The following LSAMP variants were observed in gnomAD, a reference collection of about 807,000 sequenced individuals.
LSAMP encodes the protein limbic system associated membrane protein, also known as limbic system-associated membrane protein.
Under a neutral mutation model 38.6 loss-of-function variants are expected in LSAMP, and 7 were observed. The observed-to-expected ratio is 0.18, with a 90% CI of 0.10 to 0.34. The LOEUF (loss-of-function observed/expected upper bound fraction) is 0.34. Ranked by LOEUF, LSAMP falls within the 10% of genes least tolerant of loss-of-function variation. The probability of loss-of-function intolerance (pLI) is 1.00; values close to 1 mark genes in which losing one functional copy is unlikely to be tolerated. For missense variants in LSAMP, 313 were observed against 420.0 expected, an observed-to-expected ratio of 0.75 and a Z score of 2.23; for synonymous variants, 154 against 166.8, an observed-to-expected ratio of 0.92 and a Z score of 0.59.
intron 1 of LSAMP, among the ~76,000 whole-genome samples, chr3:116,408,998 G>T (rs1331590458): frequency 6.6e-6 from 1 of 151,920 alleles, no homozygotes; most frequent in African/African-American, 2.4e-5. Flanking sequence ...AAAGTGATTT[G>T]CCCTTTTTCT....
At chr3:115,973,602 CAGG>C (rs1460573921) in intron 3 of LSAMP, among the ~76,000 whole-genome samples, 13 of 152,034 alleles carry the variant, frequency 8.6e-5, no homozygotes, top group Non-Finnish European at 1.6e-4. Context: ...GGCATGGTGG[CAGG>C]TGCCTGTAAT....
intron 3 of LSAMP, among the ~76,000 whole-genome samples, chr3:115,991,054 G>A (rs1457205003): frequency 6.6e-6 from 1 of 151,816 alleles, no homozygotes; most frequent in African/African-American, 2.4e-5. Context: ...TCCTTCCCCC[G>A]ACCCCCGGCT....
At position 116,075,343 on chromosome 3, in the gene LSAMP, G is replaced by A. The variant is rs149379233; in HGVS notation, c.388+10981C>T. ...AGTAGAGACAGGGTTTCACTATGTT[G>A]GCCAGGCTGGTCTTGATTTCCTGAC... On this transcript the variant is annotated intron_variant, in intron 2 of 6. Transcript: ENST00000490035. Among the ~76,000 whole-genome samples the A allele has an allele frequency of 9.6e-3, 1,442 of 150,702 alleles. 25 individuals are homozygous for A. The highest frequency in any genetic ancestry group is 0.033 in the African/African-American group (1,355 of 40,974).
chr3:116,430,516 T>C (rs1473915646), intron 1 of LSAMP, among the ~76,000 whole-genome samples: 1 of 152,120 alleles, frequency 6.6e-6, no homozygotes, highest in Non-Finnish European at 1.5e-5. Context: ...AATACTAAAA[T>C]AGATGAAAAT....
intron 1 of LSAMP, among the ~76,000 whole-genome samples, chr3:116,256,452 C>G (rs1280823625): frequency 6.6e-6 from 1 of 152,184 alleles, no homozygotes; most frequent in Non-Finnish European, 1.5e-5. Context: ...TGTTTTTCAT[C>G]TTTAACTTTT....
intron 1 of LSAMP, among the ~76,000 whole-genome samples, chr3:116,108,038 C>T (rs1167689082): frequency 3.9e-5 from 6 of 151,942 alleles, no homozygotes; most frequent in African/African-American, 1.5e-4. Flanking sequence ...TTAATCCTTT[C>T]AAAGCATGCT....
At chr3:116,286,306 A>C (rs1276151950) in intron 1 of LSAMP, among the ~76,000 whole-genome samples, 1 of 152,202 alleles carries the variant, frequency 6.6e-6, no homozygotes, top group Non-Finnish European at 1.5e-5. Context: ...TATCCCATAA[A>C]ATTTTTAGGA....
chr3:115,848,252 T>C lies in LSAMP; in HGVS notation c.649+4231A>G, dbSNP rs375467900. On this transcript the variant is annotated intron_variant, in intron 4 of 6. Coordinates refer to ENST00000490035, the MANE Select transcript of LSAMP (RefSeq NM_002338.5). ...CAGCCTGGTCAACACAGTGAATCCA[T>C]GTCTCTACTAAAAATACAAAAATTA... 7.0e-4 allele frequency among the ~76,000 whole-genome samples: 107 copies of C among 152,200 alleles called. 1 individual carries two copies. The South Asian group carries it at 0.018, about 26-fold the overall frequency.
chr3:115,956,114 TATG>T (rs1197175955), intron 3 of LSAMP, among the ~76,000 whole-genome samples: 2 of 152,072 alleles, frequency 1.3e-5, no homozygotes, highest in Non-Finnish European at 2.9e-5. Flanking sequence ...TACTATTCTT[TATG>T]ATAACTTTTA....
intron 1 of LSAMP, among the ~76,000 whole-genome samples, chr3:116,435,105 A>G (rs1176550223): frequency 1.3e-5 from 2 of 152,162 alleles, no homozygotes; most frequent in African/African-American, 2.4e-5. Context: ...ACCAGGTTTT[A>G]TGATCTGAGA....
chr3:116,086,399 C>T lies in LSAMP; in HGVS notation c.313G>A (p.Asp105Asn). 6.2e-7 allele frequency: 1 copy of T among 1,614,152 alleles called. No individual in the cohort carries two copies. Among genetic ancestry groups the T allele is most frequent in the Non-Finnish European group, 8.5e-7 (1 of 1,180,026 alleles). Residue 105 changes from aspartate to asparagine, a missense_variant, in exon 2 of 7, where the codon GAT becomes AAT. Asp to Asn is a conservative substitution (Grantham distance 23). Transcript: ENST00000490035. The stretch of plus-strand genomic sequence containing the variant: ...ACTGAGCAAGTGTAGGAACCCTCAT[C>T]ATAGACATCCACCTTCTGGATTCGG... ...SLRIQKVDVYDEGSYTCSVQT... is the reference protein window; with the variant it reads ...SLRIQKVDVYNEGSYTCSVQT...
In LSAMP at chr3:116,129,598, C is replaced by G. The variant is rs552031546; in HGVS notation, c.156-43042G>C. Among the ~76,000 whole-genome samples, 5 of 152,334 alleles carry G rather than the reference C, an allele frequency of 3.3e-5. No homozygotes were observed. The South Asian group carries it at 1.0e-3, about 32-fold the overall frequency. On this transcript the variant is annotated intron_variant, in intron 1 of 6. Transcript: ENST00000490035. ...CAAGGACCCAGTAAAAAAGCACTTTCTCTAAAGGAAATGAACACCTTTTCC... is the reference window on the plus strand; with the variant it reads ...CAAGGACCCAGTAAAAAAGCACTTTGTCTAAAGGAAATGAACACCTTTTCC...
Position 116,224,379 on chromosome 3 carries a change from C to A in LSAMP, c.156-137823G>T, listed in dbSNP as rs1320896510. Among the ~76,000 whole-genome samples the A allele has an allele frequency of 3.9e-5, 6 of 152,276 alleles. No individual in the cohort carries two copies. In the East Asian group the frequency reaches 1.2e-3, roughly 29 times the overall value. ...ATATTAAAAATCATGCTTCTAAGGA[C>A]TTCTTTTTAAAAAATGCATAGACTC... is the stretch of plus-strand genomic sequence containing the variant. On this transcript the variant is annotated intron_variant, in intron 1 of 6. Coordinates refer to ENST00000490035, the MANE Select transcript of LSAMP (RefSeq NM_002338.5).
At chr3:116,214,986 A>T (rs1311588933) in intron 1 of LSAMP, among the ~76,000 whole-genome samples, 2 of 152,224 alleles carry the variant, frequency 1.3e-5, no homozygotes, top group Non-Finnish European at 2.9e-5. Context: ...TCTCCAAGAA[A>T]TACTAATTGG....
chr3:116,120,410 G>A (rs1708848570), intron 1 of LSAMP, among the ~76,000 whole-genome samples: 1 of 152,114 alleles, frequency 6.6e-6, no homozygotes, highest in Non-Finnish European at 1.5e-5. Context: ...AATGAAAGAA[G>A]GAGGGAGGGA....
intron 6 of LSAMP, among the ~76,000 whole-genome samples, chr3:115,829,936 T>C (rs1205851561): frequency 6.6e-6 from 1 of 152,174 alleles, no homozygotes; most frequent in Non-Finnish European, 1.5e-5. Flanking sequence ...CTTTTAAAAA[T>C]TATAAGACAC....
At chr3:116,220,252 T>TA (rs1253353459) in intron 1 of LSAMP, among the ~76,000 whole-genome samples, 4 of 135,022 alleles carry the variant, frequency 3.0e-5, no homozygotes, top group East Asian at 2.2e-4. Flanking sequence ...ATAACTATTA[T>TA]AAAAAAACAG....
intron 1 of LSAMP, among the ~76,000 whole-genome samples, chr3:116,246,735 A>G (rs2046610544): frequency 6.6e-6 from 1 of 152,212 alleles, no homozygotes; most frequent in Admixed American, 6.5e-5. Flanking sequence ...AGTGATGCAT[A>G]TGGCAGGGTG....
At chr3:115,899,842 G>A (rs369751539) in intron 3 of LSAMP, among the ~76,000 whole-genome samples, 12 of 152,224 alleles carry the variant, frequency 7.9e-5, no homozygotes, top group African/African-American at 2.9e-4. Context: ...AAATGGCATC[G>A]GAGTTTATAT....
Sources: allele counts gnomAD v4.1 joint callset (sites outside exome capture counted in the v4.1 genomes callset), GRCh38; gene constraint gnomAD v4.1.1; transcripts MANE v1.5; gene names NCBI Gene and HGNC (gene_info 2026-07-23, HGNC 2026-07-21).